RBFOX1: variants seen among roughly 807,000 people sequenced by gnomAD.
The protein encoded by RBFOX1 is RNA binding protein fox-1 homolog 1.
RBFOX1 carries 8 observed loss-of-function variants against 57.7 expected under a neutral mutation model. That is an observed-to-expected ratio of 0.14 (90% CI 0.08 to 0.25). The LOEUF (loss-of-function observed/expected upper bound fraction) is 0.25. RBFOX1 is among the 10% of genes least tolerant of loss of function. RBFOX1 has a pLI of 1.00. For synonymous variants in RBFOX1, 326 were observed against 222.4 expected, an observed-to-expected ratio of 1.47 and a Z score of -4.15; for missense variants, 611 against 548.5, an observed-to-expected ratio of 1.11 and a Z score of -1.14.
At chr16:6,783,209 G>T (rs1238413843) in intron 3 of RBFOX1, among the ~76,000 whole-genome samples, 1 of 151,594 alleles carries the variant, frequency 6.6e-6, no homozygotes. Context: ...CCTTTTATTT[G>T]GAGAATGAAG....
At chr16:5,627,880 A>G (rs1239817588) in intron 3 of RBFOX1, among the ~76,000 whole-genome samples, 1 of 152,228 alleles carries the variant, frequency 6.6e-6, no homozygotes, top group Non-Finnish European at 1.5e-5. Context: ...GGATTTTAGT[A>G]TCCACAAGGG....
intron 3 of RBFOX1, among the ~76,000 whole-genome samples, chr16:5,663,326 T>C (rs2049719051): frequency 2.0e-5 from 3 of 151,994 alleles, no homozygotes. Context: ...TCTTTCCATT[T>C]CCCAGGTAGT....
At chr16:7,233,533 T>C (rs1391032731) in intron 4 of RBFOX1, among the ~76,000 whole-genome samples, 1 of 152,180 alleles carries the variant, frequency 6.6e-6, no homozygotes, top group East Asian at 1.9e-4. Context: ...GAAATTATTA[T>C]TAAAGTCCTG....
At chr16:6,749,558 A>C (rs911375280) in intron 3 of RBFOX1, among the ~76,000 whole-genome samples, 13 of 152,184 alleles carry the variant, frequency 8.5e-5, no homozygotes, top group Non-Finnish European at 1.5e-4. Context: ...TCCAGCAGGC[A>C]GCCATGCCGA....
chr16:6,053,343 T>C (rs2095576236), intron 1 of RBFOX1, among the ~76,000 whole-genome samples: 1 of 152,176 alleles, frequency 6.6e-6, no homozygotes, highest in Non-Finnish European at 1.5e-5. Flanking sequence ...GAAGAGTGGC[T>C]AACACAATTA....
At chr16:6,067,576 G>T (rs1173739114) in intron 1 of RBFOX1, among the ~76,000 whole-genome samples, 1 of 152,174 alleles carries the variant, frequency 6.6e-6, no homozygotes, top group Non-Finnish European at 1.5e-5. Context: ...TTGGGAGAGA[G>T]AGATTTTTTG....
intron 2 of RBFOX1, among the ~76,000 whole-genome samples, chr16:6,573,610 G>C (rs994961533): frequency 3.3e-5 from 5 of 152,220 alleles, no homozygotes; most frequent in African/African-American, 1.2e-4. Context: ...TGTTTTTGGA[G>C]AGGTAGAAAA....
chr16:7,342,367 T>A (rs140250049), intron 4 of RBFOX1, among the ~76,000 whole-genome samples: 1 of 152,152 alleles, frequency 6.6e-6, no homozygotes, highest in African/African-American at 2.4e-5. Flanking sequence ...CTGGCTCCTG[T>A]GTGATGCGGG....
chr16:7,411,723 G>A (rs2098426990), intron 4 of RBFOX1, among the ~76,000 whole-genome samples: 1 of 152,058 alleles, frequency 6.6e-6, no homozygotes, highest in Non-Finnish European at 1.5e-5. Context: ...GACCAACATG[G>A]AGAAACCCCG....
chr16:7,541,308 G>C (rs1023324202), intron 5 of RBFOX1, among the ~76,000 whole-genome samples: 1 of 152,176 alleles, frequency 6.6e-6, no homozygotes, highest in African/African-American at 2.4e-5. Flanking sequence ...CCCTTTGTTG[G>C]CTGCAAATGT....
In RBFOX1 at chr16:5,262,294, A is replaced by G. The variant is rs570384228; in HGVS notation, c.219+22189A>G. 1.7e-3 allele frequency among the ~76,000 whole-genome samples: 259 copies of G among 152,270 alleles called. 1 individual carries two copies. The highest frequency in any genetic ancestry group is 6.1e-3 in the African/African-American group (252 of 41,548). ...GATATTTGGCTACACGTTATTCTGGATGTATCTCTGAGGTATTCTGGATGA... is the reference window on the plus strand; with the variant it reads ...GATATTTGGCTACACGTTATTCTGGGTGTATCTCTGAGGTATTCTGGATGA... On this transcript the variant is annotated intron_variant, in intron 1 of 2. Transcript: ENST00000585867.
intron 4 of RBFOX1, among the ~76,000 whole-genome samples, chr16:7,054,115 C>G (rs1266803123): frequency 6.8e-6 from 1 of 147,670 alleles, no homozygotes; most frequent in Non-Finnish European, 1.5e-5. Context: ...CTTTCTTCTT[C>G]CTTTCCTCCC....
chr16:6,281,566 A>G (rs914856881), intron 1 of RBFOX1, among the ~76,000 whole-genome samples: 4 of 152,036 alleles, frequency 2.6e-5, no homozygotes, highest in African/African-American at 9.7e-5. Context: ...TTCAGGGTAA[A>G]AGAAACAGGT....
intron 2 of RBFOX1, among the ~76,000 whole-genome samples, chr16:5,550,392 C>T (rs576914039): frequency 9.9e-5 from 15 of 152,232 alleles, no homozygotes; most frequent in Non-Finnish European, 1.3e-4. Flanking sequence ...TCAGGGCTGT[C>T]GTGAGCCACC....
rs1292661804 is a variant in RBFOX1 at position 7,712,070 on chromosome 16, C to G, written c.*1325C>G. 1 of 152,560 alleles carries G rather than the reference C, an allele frequency of 6.6e-6. No homozygotes were observed. Among genetic ancestry groups the G allele is most frequent in the Non-Finnish European group, 1.5e-5 (1 of 68,034 alleles). The allele number at this position is 152,560 out of a possible 1,614,324, so 9.5% of individuals were successfully genotyped here. A position where few individuals can be genotyped will look rare whatever the true frequency, so the allele number is the denominator to read the frequency against. On this transcript the variant is annotated 3_prime_UTR_variant, in exon 16 of 16. Coordinates refer to ENST00000550418, the MANE Select transcript of RBFOX1 (RefSeq NM_018723.4). ...ATCCACCCTCTTAATCCCAAAAGAA[C>G]AAAGTCTCCCCACCTTTCTCGGATG...
intron 1 of RBFOX1, among the ~76,000 whole-genome samples, chr16:6,149,277 G>A (rs1042219759): frequency 6.6e-5 from 10 of 152,202 alleles, no homozygotes; most frequent in South Asian, 2.1e-4. Flanking sequence ...TAGACGAGGT[G>A]TACTTTGGAT....
intron 4 of RBFOX1, among the ~76,000 whole-genome samples, chr16:5,868,109 C>G (rs566850234): frequency 2.0e-5 from 3 of 152,302 alleles, no homozygotes; most frequent in African/African-American, 7.2e-5. Flanking sequence ...GTTCAGAAGT[C>G]ACCAGCAAGG....
chr16:6,766,924 CT>C (rs2077412375), intron 3 of RBFOX1, among the ~76,000 whole-genome samples: 1 of 152,092 alleles, frequency 6.6e-6, no homozygotes, highest in Admixed American at 6.5e-5. Context: ...GCATGAAGCT[CT>C]GAATGCAGCC....
chr16:7,598,852 C>G (rs1010266880), intron 9 of RBFOX1, among the ~76,000 whole-genome samples: 27 of 152,080 alleles, frequency 1.8e-4, no homozygotes, highest in Non-Finnish European at 3.5e-4. Context: ...TCAGTCAGAA[C>G]TAAATACTGA....
Sources: gnomAD v4.1 joint callset for allele counts (sites outside exome capture counted in the v4.1 genomes callset) on GRCh38, gnomAD v4.1.1 for gene constraint, MANE v1.5 for transcripts, NCBI Gene and HGNC (gene_info 2026-07-23, HGNC 2026-07-21) for gene names.